Variants in RAD9A observed in about 807,000 individuals in gnomAD.
RAD9A encodes RAD9 checkpoint clamp component A.
Under a neutral mutation model 41.2 loss-of-function variants are expected in RAD9A, and 25 were observed. That is an observed-to-expected ratio of 0.61 (90% CI 0.44 to 0.85). The LOEUF is 0.85. RAD9A is among the 40% of genes least tolerant of loss of function. The pLI is 0.00. For missense variants in RAD9A, 514 were observed against 518.3 expected (o/e 0.99, Z 0.08); for synonymous variants, 252 against 210.6 (o/e 1.20, Z -1.70).
chr11:67,397,526 T>G lies in RAD9A; in HGVS notation c.1143T>G (p.Pro381=). 1.9e-6 allele frequency: 3 copies of G among 1,611,232 alleles called. No homozygotes were observed. Among genetic ancestry groups the G allele is most frequent in the Non-Finnish European group, 2.5e-6 (3 of 1,178,270 alleles). The change falls in exon 11 of 11, where the codon CCT becomes CCG. Residue 381 remains proline (P), a synonymous_variant. Coordinates refer to ENST00000307980, the MANE Select transcript of RAD9A (RefSeq NM_004584.3). ...APVRSPQGPS[P]VLAEDSEGEG ...TACGCTCCCCCCAGGGCCCCAGCCC[T>G]GTGCTGGCGGAAGACAGTGAGGGTG... is the stretch of plus-strand genomic sequence containing the variant.
chr11:67,393,816 A>G, intron 5 of RAD9A, 26 bp downstream of exon 5: 3 of 1,541,500 alleles, frequency 1.9e-6, no homozygotes, highest in Non-Finnish European at 2.6e-6. Context: ...CCCTCAGCTC[A>G]GCCCCGGGTC....
intron 3 of RAD9A, chr11:67,393,148 C>T: frequency 6.6e-6 from 3 of 455,536 alleles, no homozygotes; most frequent in Non-Finnish European, 1.0e-5. Context: ...GGCGTGGTGG[C>T]ACGCGCCTGT....
At chr11:67,397,088 G>T in intron 9 of RAD9A, 91 bp from the exon 10 acceptor site, 1 of 924,906 alleles carries the variant, frequency 1.1e-6, no homozygotes. Context: ...TCCAGTGGTC[G>T]GGGGCCCCAG....
At chr11:67,392,297 C>A in intron 2 of RAD9A, 66 bp downstream of exon 2, 3 of 1,332,000 alleles carry the variant, frequency 2.3e-6, no homozygotes, top group South Asian at 1.4e-5. Context: ...GGACTAGAGT[C>A]TCGCCCCCAC....
chr11:67,393,345 T>G, intron 3 of RAD9A, 151 bp from the exon 4 acceptor site: 1 of 1,394,366 alleles, frequency 7.2e-7, no homozygotes, highest in Non-Finnish European at 9.3e-7. Flanking sequence ...AGAGCATGAA[T>G]GAGGCCTAGA....
Position 67,392,238 on chromosome 11 carries a change from GGCTAGGGTGT to G in RAD9A, c.105+9_105+18del. On this transcript the variant is annotated splice_region_variant and intron_variant, in intron 2 of 10. Transcript: ENST00000307980. ...GGAACCCTTGGAGGACGGGGTGAGG[GGCTAGGGTGT>G]GGGGGGCGGGTGGGACTCCAGCCGG... 6.3e-7 allele frequency: 1 copy of G among 1,585,238 alleles called. No homozygotes were observed. Among genetic ancestry groups the G allele is most frequent in the Non-Finnish European group, 8.6e-7 (1 of 1,160,260 alleles).
At chr11:67,392,907 A>G in intron 3 of RAD9A, 125 bp downstream of exon 3, 1 of 1,305,130 alleles carries the variant, frequency 7.7e-7, no homozygotes, top group Non-Finnish European at 1.1e-6. Context: ...CAATCCATGC[A>G]AAACACAGGG....
chr11:67,393,394 C>A, intron 3 of RAD9A, 102 bp from the exon 4 acceptor site: 1 of 1,502,324 alleles, frequency 6.7e-7, no homozygotes, highest in South Asian at 1.3e-5. Context: ...AGCCCTTTTC[C>A]CAGAGTTACA....
At position 67,397,711 on chromosome 11, in the gene RAD9A, A is replaced by C; in HGVS notation, c.*152A>C. 1.4e-6 allele frequency: 1 copy of C among 715,962 alleles called. No individual in the cohort carries two copies. The highest frequency in any genetic ancestry group is 2.7e-5 in the East Asian group (1 of 36,812). The allele number at this position is 715,962 out of a possible 1,614,324, so 44.4% of individuals were successfully genotyped here. A position where few individuals can be genotyped will look rare whatever the true frequency, so the allele number is the denominator to read the frequency against. On this transcript the variant is annotated 3_prime_UTR_variant, in exon 11 of 11. Coordinates refer to ENST00000307980, the MANE Select transcript of RAD9A (RefSeq NM_004584.3). Reference sequence around the variant, plus strand: ...CTCTCGCAGGCCCCAGCTGGCTGTCACTGTAAAGCTGTCCCACAGCGGTCG... The same window carrying C: ...CTCTCGCAGGCCCCAGCTGGCTGTCCCTGTAAAGCTGTCCCACAGCGGTCG...
At position 67,393,501 on chromosome 11, in the gene RAD9A, CCTGT is replaced by C. The variant is rs764716894; in HGVS notation, c.247_250del (p.Val83SerfsTer18). 25 of 1,614,024 alleles carry C rather than the reference CCTGT, an allele frequency of 1.5e-5. No homozygotes were observed. The highest frequency in any genetic ancestry group is 2.1e-5 in the Non-Finnish European group (25 of 1,180,034). Reference sequence around the variant, plus strand: ...AGGTGTCTTATCCCATGCAGTCTTTCCTGTCTGTCTTCCGCTCACTGGCGATGCT... The same window carrying C: ...AGGTGTCTTATCCCATGCAGTCTTTCCTGTCTTCCGCTCACTGGCGATGCT... On this transcript the variant is annotated frameshift_variant, in exon 4 of 11. Transcript: ENST00000307980. LOFTEE classifies it high-confidence loss of function.
At chr11:67,392,262 G>GGGGGGGA in intron 2 of RAD9A, 31 bp downstream of exon 2, 1 of 600,784 alleles carries the variant, frequency 1.7e-6, no homozygotes, top group Non-Finnish European at 3.0e-6. Flanking sequence ...GGGCGGGTGG[G>GGGGGGGA]ACTCCAGCCG....
In RAD9A at chr11:67,395,815, GGAGGAGGCAGGT is replaced by G. The variant is rs1565117568; in HGVS notation, c.554_559+6del. On this transcript the variant is annotated splice_donor_variant and coding_sequence_variant, in exon 6 of 11. Transcript: ENST00000307980. LOFTEE classifies it high-confidence loss of function. ...GGGTCATCCTGCGCAGCTACCACGAGGAGGAGGCAGGTGAGGGGGCTGGACGTGGCCTGGGAC... is the reference window on the plus strand; with the variant it reads ...GGGTCATCCTGCGCAGCTACCACGAGGAGGGGGCTGGACGTGGCCTGGGAC... 1 of 1,611,126 alleles carries G rather than the reference GGAGGAGGCAGGT, an allele frequency of 6.2e-7. No individual in the cohort carries two copies. The highest frequency in any genetic ancestry group is 1.3e-5 in the African/African-American group (1 of 75,062).
rs776797878 is a variant in RAD9A, at chr11:67,395,711, C to G, written c.450-5C>G. The G allele has an allele frequency of 1.0e-5, 16 of 1,590,182 alleles. No homozygotes were observed. The Admixed American group carries it at 2.9e-4, about 28-fold the overall frequency. On this transcript the variant is annotated splice_polypyrimidine_tract_variant and splice_region_variant and intron_variant, in intron 5 of 10. Coordinates refer to ENST00000307980, the MANE Select transcript of RAD9A (RefSeq NM_004584.3). ...ATTTCGGGTAATGCTCCACCCTGTT[C>G]ACAGGGTTCTGGGGGAGGCTGTTCT...
chr11:67,397,272 G>A lies in RAD9A; in HGVS notation c.966G>A (p.Leu322=), dbSNP rs1203477164. The change falls in exon 10 of 11, where the codon CTG becomes CTA. Residue 322 remains leucine (L), a synonymous_variant. Transcript: ENST00000307980. ...TAGGCAATGAGGGCTCGCGGGTGCT[G>A]CCCTCCATTTCCCTTTCACCTGGCC... ...TTIGNEGSRV[L]PSISLSPGPQ... is the part of the protein sequence containing the mutation. 1 of 1,610,590 alleles carries A rather than the reference G, an allele frequency of 6.2e-7. No individual in the cohort carries two copies. Among genetic ancestry groups the A allele is most frequent in the Non-Finnish European group, 8.5e-7 (1 of 1,177,576 alleles).
Position 67,395,732 on chromosome 11 carries a change from GT to G in RAD9A, c.468del (p.Leu157CysfsTer10). 1 of 1,608,516 alleles carries G rather than the reference GT, an allele frequency of 6.2e-7. No individual in the cohort carries two copies. Among genetic ancestry groups the G allele is most frequent in the Non-Finnish European group, 8.5e-7 (1 of 1,177,368 alleles). ...TGTTCACAGGGTTCTGGGGGAGGCT[GT>G]TCTGCCCTTCTCTCCTGCACTGGCT... Reference protein sequence around the residue: ...RAPARVLGEAVLPFSPALAEV... With the variant: ...RAPARVLGEAXLPFSPALAEV... On this transcript the variant is annotated frameshift_variant, in exon 6 of 11. Transcript: ENST00000307980. LOFTEE classifies it high-confidence loss of function.
rs2134974639 is a variant in RAD9A at position 67,398,162 on chromosome 11, A to C, written c.*603A>C. The C allele has an allele frequency of 7.0e-6, 2 of 285,476 alleles. 1 individual carries two copies. The highest frequency in any genetic ancestry group is 8.5e-5 in the South Asian group (2 of 23,660). The allele number at this position is 285,476 out of a possible 1,614,324, so 17.7% of individuals were successfully genotyped here. A position where few individuals can be genotyped will look rare whatever the true frequency, so the allele number is the denominator to read the frequency against. On this transcript the variant is annotated 3_prime_UTR_variant, in exon 11 of 11. Transcript: ENST00000307980. Reference sequence around the variant, plus strand: ...GAAGAGCTGCCAGGCAGTGTCTTAGATGTGAGACGGAGGCCATGGCGAGAA... The same window carrying C: ...GAAGAGCTGCCAGGCAGTGTCTTAGCTGTGAGACGGAGGCCATGGCGAGAA...
At chr11:67,392,504 C>T (rs926980683) in intron 2 of RAD9A, 150 bp from the exon 3 acceptor site, 15 of 1,253,346 alleles carry the variant, frequency 1.2e-5, no homozygotes, top group Non-Finnish European at 1.6e-5. Context: ...GGGGCCGACT[C>T]TGAAGGCTTC....
chr11:67,397,686 C>A lies in RAD9A; in HGVS notation c.*127C>A. 2.3e-6 allele frequency: 2 copies of A among 862,266 alleles called. No individual in the cohort carries two copies. Among genetic ancestry groups the A allele is most frequent in the Non-Finnish European group, 3.5e-6 (2 of 569,438 alleles). 53.4% of individuals were successfully genotyped at this position (862,266 alleles called of 1,614,324 possible). On this transcript the variant is annotated 3_prime_UTR_variant, in exon 11 of 11. Coordinates refer to ENST00000307980, the MANE Select transcript of RAD9A (RefSeq NM_004584.3). Reference sequence around the variant, plus strand: ...TGCTGGAGCTGAGCTGTTTCACTGCCTCTCGCAGGCCCCAGCTGGCTGTCA... The same window carrying A: ...TGCTGGAGCTGAGCTGTTTCACTGCATCTCGCAGGCCCCAGCTGGCTGTCA...
chr11:67,392,570 C>CAAGT, intron 2 of RAD9A, 84 bp from the exon 3 acceptor site: 2 of 1,547,408 alleles, frequency 1.3e-6, no homozygotes, highest in Admixed American at 3.4e-5. Context: ...GACGATAGGG[C>CAAGT]AAGTGTGTGA....
Sources: gnomAD v4.1 joint callset for allele counts on GRCh38, gnomAD v4.1.1 for gene constraint, MANE v1.5 for transcripts, NCBI Gene and HGNC (gene_info 2026-07-23, HGNC 2026-07-21) for gene names.